STAT5B: variants seen among roughly 807,000 people sequenced by gnomAD.
STAT5B encodes signal transducer and activator of transcription 5B.
A neutral mutation model predicts 107.8 loss-of-function variants in STAT5B; 21 were observed. The observed-to-expected ratio is 0.19, with a 90% CI of 0.14 to 0.28. The LOEUF (loss-of-function observed/expected upper bound fraction) is 0.28. STAT5B is among the 10% of genes least tolerant of loss of function. The pLI, the probability that STAT5B is intolerant of heterozygous loss-of-function variation, is 1.00. For synonymous variants in STAT5B, 325 were observed against 401.7 expected (o/e 0.81, Z 2.28); for missense variants, 565 against 1,008.2 (o/e 0.56, Z 5.95).
intron 1 of STAT5B, chr17:42,268,485 T>C (rs941587197): frequency 2.0e-5 from 3 of 152,152 alleles, no homozygotes; most frequent in Non-Finnish European, 4.4e-5. Flanking sequence ...CCATGTATCA[T>C]TAAGTGACAA....
chr17:42,215,564 T>C (rs1240874607), intron 12 of STAT5B, among the ~76,000 whole-genome samples: 1 of 152,124 alleles, frequency 6.6e-6, no homozygotes, highest in East Asian at 1.9e-4. Context: ...TCTTTCCACT[T>C]TCCACATTCT....
intron 1 of STAT5B, among the ~76,000 whole-genome samples, chr17:42,237,183 T>C (rs539569400): frequency 2.6e-5 from 4 of 152,302 alleles, no homozygotes; most frequent in African/African-American, 7.2e-5. Flanking sequence ...CTCAACCTTA[T>C]ATATCTGGAT....
chr17:42,218,638 G>A lies in STAT5B; in HGVS notation c.989+85C>T, dbSNP rs372416692. 5.0e-6 allele frequency: 8 copies of A among 1,607,018 alleles called. No individual in the cohort carries two copies. The African/African-American group carries it at 1.1e-4, about 22-fold the overall frequency. ...GGGATGAGAGGCAGGAAGTGGATCTGCTGGTCTGGAAGGCACCTGCGGCTC... is the reference window on the plus strand; with the variant it reads ...GGGATGAGAGGCAGGAAGTGGATCTACTGGTCTGGAAGGCACCTGCGGCTC... On this transcript the variant is annotated intron_variant, in intron 8 of 18. Transcript: ENST00000293328.
At chr17:42,243,533 G>A (rs2080423326) in intron 1 of STAT5B, among the ~76,000 whole-genome samples, 3 of 152,200 alleles carry the variant, frequency 2.0e-5, no homozygotes. Flanking sequence ...CATGTCGTCT[G>A]CATCTTACTT....
At chr17:42,240,771 G>A (rs943979331) in intron 1 of STAT5B, among the ~76,000 whole-genome samples, 2 of 152,214 alleles carry the variant, frequency 1.3e-5, no homozygotes, top group Non-Finnish European at 2.9e-5. Flanking sequence ...CTGCATGCAT[G>A]TTGAGGACTT....
At chr17:42,245,073 A>ATTT (rs745914040) in intron 1 of STAT5B, among the ~76,000 whole-genome samples, 1,257 of 105,394 alleles carry the variant, frequency 0.012, 30 homozygotes, top group African/African-American at 0.023. Flanking sequence ...TGCCTGGCTA[A>ATTT]TTTTTTTTTT....
chr17:42,269,776 C>T (rs1348605375), intron 1 of STAT5B: 1 of 151,240 alleles, frequency 6.6e-6, no homozygotes, highest in Admixed American at 6.6e-5. Flanking sequence ...GTTTCCAAGA[C>T]TTAACTTCAC....
intron 12 of STAT5B, among the ~76,000 whole-genome samples, chr17:42,213,568 C>T (rs2080146402): frequency 6.6e-6 from 1 of 150,684 alleles, no homozygotes; most frequent in Non-Finnish European, 1.5e-5. Flanking sequence ...CACTGTGTTG[C>T]CCAGGCTGGA....
chr17:42,224,268 C>T (rs2080254956), intron 4 of STAT5B, among the ~76,000 whole-genome samples: 1 of 152,146 alleles, frequency 6.6e-6, no homozygotes, highest in Non-Finnish European at 1.5e-5. Flanking sequence ...AATTACTTTG[C>T]ACTTGTTCAC....
chr17:42,238,588 G>A (rs949912755), intron 1 of STAT5B, among the ~76,000 whole-genome samples: 8 of 151,420 alleles, frequency 5.3e-5, no homozygotes, highest in Non-Finnish European at 7.4e-5. Flanking sequence ...TAAGCAGCTG[G>A]GATTACAGCT....
In STAT5B at chr17:42,223,566, T is replaced by C. The variant is rs759326127; in HGVS notation, c.376-10A>G. On this transcript the variant is annotated splice_polypyrimidine_tract_variant and intron_variant, in intron 4 of 18. Coordinates refer to ENST00000293328, the MANE Select transcript of STAT5B (RefSeq NM_012448.4). ...CAGCTGGAGAGCTACCCTGGGAACA[T>C]ATGGGGGGCAGTGCAAGGCAGTGCG... The C allele has an allele frequency of 8.1e-6, 13 of 1,613,898 alleles. No individual in the cohort carries two copies. The highest frequency in any genetic ancestry group is 3.3e-5 in the Admixed American group (2 of 60,000).
chr17:42,228,620 C>G (rs939064426), intron 2 of STAT5B, among the ~76,000 whole-genome samples: 5 of 152,158 alleles, frequency 3.3e-5, no homozygotes, highest in Admixed American at 3.3e-4. Flanking sequence ...AAAAAAGAGG[C>G]ACCAACAAGT....
chr17:42,264,255 G>A (rs1177602747), intron 1 of STAT5B, among the ~76,000 whole-genome samples: 2 of 150,444 alleles, frequency 1.3e-5, no homozygotes, highest in Non-Finnish European at 3.0e-5. Flanking sequence ...TGTGCACATT[G>A]TGCAGGTTAG....
chr17:42,262,970 G>A (rs867949427), intron 1 of STAT5B, among the ~76,000 whole-genome samples: 668 of 20,810 alleles, frequency 0.032, 13 homozygotes, highest in Non-Finnish European at 0.044. Context: ...GTGTGTGTGT[G>A]TATATATATA....
At chr17:42,209,377 T>C (rs545294357) in intron 15 of STAT5B, among the ~76,000 whole-genome samples, 1 of 152,280 alleles carries the variant, frequency 6.6e-6, no homozygotes, top group East Asian at 1.9e-4. Context: ...AAACTTTAAT[T>C]CACAGAAAAT....
upstream of STAT5B, among the ~76,000 whole-genome samples, chr17:42,277,917 G>A (rs766923870): frequency 6.6e-6 from 1 of 151,726 alleles, no homozygotes; most frequent in Non-Finnish European, 1.5e-5. Flanking sequence ...CACCACATCC[G>A]GCTAATTTTT....
At chr17:42,227,480 A>C (rs764593347) in intron 3 of STAT5B, 49 bp downstream of exon 3, 1 of 1,611,644 alleles carries the variant, frequency 6.2e-7, no homozygotes, top group Non-Finnish European at 8.5e-7. Flanking sequence ...TACAGGAAGA[A>C]GACCCCCAAG....
intron 1 of STAT5B, among the ~76,000 whole-genome samples, chr17:42,264,676 A>G (rs1475452636): frequency 6.6e-6 from 1 of 151,116 alleles, no homozygotes; most frequent in East Asian, 1.9e-4. Context: ...ATACGTGTGC[A>G]TGTGTCTTTA....
chr17:42,285,535 A>G, the STAT5B span, among the ~76,000 whole-genome samples: 1 of 152,302 alleles, frequency 6.6e-6, no homozygotes, highest in East Asian at 1.9e-4. Context: ...ACAGTTTCTG[A>G]TCTTCCTGAA....
Sources: gnomAD v4.1 joint callset for allele counts (sites outside exome capture counted in the v4.1 genomes callset) on GRCh38, gnomAD v4.1.1 for gene constraint, MANE v1.5 for transcripts, NCBI Gene and HGNC (gene_info 2026-07-23, HGNC 2026-07-21) for gene names.